The following OXR1 variants were observed in gnomAD, a reference collection of about 807,000 sequenced individuals.
The protein encoded by OXR1 is oxidation resistance 1.
A neutral mutation model predicts 104.6 loss-of-function variants in OXR1; 41 were observed. The ratio of observed to expected loss-of-function variants is 0.39; its 90% CI spans 0.31 to 0.51. OXR1 has a LOEUF of 0.51. Ranked by LOEUF, OXR1 falls within the 20% of genes least tolerant of loss-of-function variation. OXR1 has a pLI of 0.77. For missense variants in OXR1, 955 were observed against 1,031.9 expected (o/e 0.93, Z 1.02); for synonymous variants, 348 against 348.4 (o/e 1.00, Z 0.01).
rs369814317 is a variant in OXR1 at position 106,665,985 on chromosome 8, G to A, written c.221-13225G>A. On this transcript the variant is annotated intron_variant, in intron 3 of 16. Coordinates refer to ENST00000517566, the MANE Select transcript of OXR1 (RefSeq NM_001198533.2). ...AAAACTCATGGAACTCTGTAATAAA[G>A]CAAAACAAACCAAAAAGCTTATTTT... Among the ~76,000 whole-genome samples the A allele has an allele frequency of 1.1e-4, 16 of 151,906 alleles. No homozygotes were observed. The East Asian group carries it at 2.1e-3, about 20-fold the overall frequency.
intron 3 of OXR1, chr8:106,658,056 G>T (rs1312146941): frequency 8.0e-7 from 1 of 1,248,642 alleles, no homozygotes; most frequent in African/African-American, 1.5e-5. Context: ...CCGCCTGTTG[G>T]GGTTCGGGGG....
rs929521808 is a variant in OXR1 at position 106,750,102 on chromosome 8, G to A, written c.2487-704G>A. On this transcript the variant is annotated intron_variant, in intron 16 of 16. Transcript: ENST00000517566. ...TGATACTGAATTTTTGTGCCTTTGC[G>A]AAAGTCATGTTAAATATGTTAAAAC... Among the ~76,000 whole-genome samples, 38 of 149,744 alleles carry A rather than the reference G, an allele frequency of 2.5e-4. 1 individual carries two copies. The highest frequency in any genetic ancestry group is 3.9e-4 in the East Asian group (2 of 5,082).
intron 2 of OXR1, among the ~76,000 whole-genome samples, chr8:106,492,432 T>C (rs1252993287): frequency 6.6e-6 from 1 of 152,118 alleles, no homozygotes; most frequent in Non-Finnish European, 1.5e-5. Flanking sequence ...GGGAGGAAAA[T>C]AAGAGACTAA....
intron 2 of OXR1, among the ~76,000 whole-genome samples, chr8:106,376,712 G>T (rs1816919704): frequency 6.6e-6 from 1 of 152,092 alleles, no homozygotes; most frequent in Non-Finnish European, 1.5e-5. Context: ...CTAAATTGGG[G>T]TTCCACCTCT....
intron 1 of OXR1, among the ~76,000 whole-genome samples, chr8:106,279,407 A>C (rs777572203): frequency 1.1e-4 from 17 of 152,198 alleles, no homozygotes; most frequent in Non-Finnish European, 1.8e-4. Context: ...TTTGAGTATC[A>C]TGCACACATT....
chr8:106,495,826 CTT>C (rs1811376840), intron 2 of OXR1, among the ~76,000 whole-genome samples: 1 of 152,056 alleles, frequency 6.6e-6, no homozygotes, highest in Non-Finnish European at 1.5e-5. Flanking sequence ...GAATAAGTAA[CTT>C]GTGTGTTTGT....
intron 3 of OXR1, among the ~76,000 whole-genome samples, chr8:106,567,452 T>G (rs992567625): frequency 6.6e-6 from 1 of 152,124 alleles, no homozygotes; most frequent in Non-Finnish European, 1.5e-5. Context: ...TGTGCTTACT[T>G]CAGTGAGGAA....
At chr8:106,501,007 C>T (rs530450684) in intron 2 of OXR1, among the ~76,000 whole-genome samples, 3 of 152,132 alleles carry the variant, frequency 2.0e-5, no homozygotes, top group Non-Finnish European at 4.4e-5. Flanking sequence ...GTTGGGTGAT[C>T]AAGGAAGGTC....
intron 4 of OXR1, among the ~76,000 whole-genome samples, chr8:106,680,088 A>G (rs982704997): frequency 1.6e-4 from 24 of 152,078 alleles, no homozygotes; most frequent in African/African-American, 5.8e-4. Context: ...GCATCTTTAA[A>G]ATTGAACAAA....
intron 2 of OXR1, among the ~76,000 whole-genome samples, chr8:106,438,117 G>A (rs959531973): frequency 8.5e-5 from 13 of 152,132 alleles, no homozygotes; most frequent in Non-Finnish European, 1.3e-4. Flanking sequence ...CTGTTCACAC[G>A]TACATTGTAA....
At chr8:106,362,363 T>A (rs1816283761) in intron 2 of OXR1, among the ~76,000 whole-genome samples, 1 of 152,170 alleles carries the variant, frequency 6.6e-6, no homozygotes, top group African/African-American at 2.4e-5. Context: ...CCTAGGAATT[T>A]TAAAAGCATA....
intron 2 of OXR1, among the ~76,000 whole-genome samples, chr8:106,518,025 A>G (rs1272328798): frequency 1.3e-5 from 2 of 152,204 alleles, no homozygotes; most frequent in Non-Finnish European, 2.9e-5. Context: ...GTCACGTTGA[A>G]GCTATGTCTA....
At chr8:106,448,260 C>A (rs982608662) in intron 2 of OXR1, among the ~76,000 whole-genome samples, 2 of 152,136 alleles carry the variant, frequency 1.3e-5, no homozygotes, top group Non-Finnish European at 2.9e-5. Context: ...AACATAGGTA[C>A]TAAAGAAAGG....
chr8:106,611,654 T>C (rs1402846706), intron 3 of OXR1, among the ~76,000 whole-genome samples: 1 of 152,088 alleles, frequency 6.6e-6, no homozygotes, highest in Non-Finnish European at 1.5e-5. Context: ...CTTGTCAGAG[T>C]GTCTTGGCAT....
chr8:106,655,422 G>C (rs952834186), intron 3 of OXR1, among the ~76,000 whole-genome samples: 1 of 151,642 alleles, frequency 6.6e-6, no homozygotes, highest in African/African-American at 2.4e-5. Flanking sequence ...TAAGAGGAAA[G>C]GAAATATAGT....
At chr8:106,408,671 GT>G in intron 2 of OXR1, among the ~76,000 whole-genome samples, 1 of 152,138 alleles carries the variant, frequency 6.6e-6, no homozygotes, top group East Asian at 1.9e-4. Flanking sequence ...TCTTTCAATT[GT>G]TGCTGCTCTT....
At chr8:106,311,253 T>A (rs529604791) in intron 1 of OXR1, among the ~76,000 whole-genome samples, 1 of 152,192 alleles carries the variant, frequency 6.6e-6, no homozygotes, top group East Asian at 1.9e-4. Flanking sequence ...CATGTTTGCA[T>A]GTCTTCTTAT....
intron 3 of OXR1, among the ~76,000 whole-genome samples, chr8:106,627,105 T>C (rs931169268): frequency 3.3e-5 from 5 of 152,028 alleles, no homozygotes; most frequent in Admixed American, 2.0e-4. Flanking sequence ...TTAAGCAAAA[T>C]TGGATTGGAA....
intron 2 of OXR1, among the ~76,000 whole-genome samples, chr8:106,412,314 C>CTG (rs1818488983): frequency 6.6e-6 from 1 of 152,100 alleles, no homozygotes; most frequent in South Asian, 2.1e-4. Context: ...AGTAGGCATC[C>CTG]TGTGCTTCAA....
Sources: allele counts gnomAD v4.1 joint callset (sites outside exome capture counted in the v4.1 genomes callset), GRCh38; gene constraint gnomAD v4.1.1; transcripts MANE v1.5; gene names NCBI Gene and HGNC (gene_info 2026-07-23, HGNC 2026-07-21).